GBF1: variants seen among roughly 807,000 people sequenced by gnomAD.
GBF1 encodes the protein Golgi-specific brefeldin A-resistance guanine nucleotide exchange factor 1.
A neutral mutation model predicts 210.5 loss-of-function variants in GBF1; 114 were observed. That is an observed-to-expected ratio of 0.54 (90% CI 0.47 to 0.63). GBF1 has a LOEUF of 0.63. Ranked by LOEUF, GBF1 falls within the 30% of genes least tolerant of loss-of-function variation. GBF1 has a pLI of 0.00. For missense variants in GBF1, 1,851 were observed against 2,357.7 expected, an observed-to-expected ratio of 0.79 and a Z score of 4.45; for synonymous variants, 850 against 889.2, an observed-to-expected ratio of 0.96 and a Z score of 0.78.
chr10:102,365,574 A>G lies in GBF1; in HGVS notation c.2284A>G (p.Ile762Val). ...AGAGTTTGTGAGTGACCGCAAAAACATTGACCTGTTGGAGAGCTTTGTGAG... is the reference window on the plus strand; with the variant it reads ...AGAGTTTGTGAGTGACCGCAAAAACGTTGACCTGTTGGAGAGCTTTGTGAG... ...IGEFVSDRKN[I>V]DLLESFVSTF... Residue 762 changes from isoleucine (I) to valine (V), a missense_variant, in exon 18 of 40, where the codon ATT becomes GTT. Ile to Val is a conservative substitution (Grantham distance 29, BLOSUM62 3). Around this residue, in one of 3 missense-constraint regions of GBF1, gnomAD observed 804 missense variants for 958.6 expected, o/e 0.84. Coordinates refer to ENST00000369983, the MANE Select transcript of GBF1 (RefSeq NM_001377137.1). The G allele has an allele frequency of 6.2e-7, 1 of 1,614,144 alleles. No individual in the cohort carries two copies. The highest frequency in any genetic ancestry group is 8.5e-7 in the Non-Finnish European group (1 of 1,179,982).
rs879575033 is a variant in GBF1, at chr10:102,260,473, C to CTTTTTTTTTT, written c.163+359_163+360insTTTTTTTTTT. Among the ~76,000 whole-genome samples the CTTTTTTTTTT allele has an allele frequency of 7.6e-3, 568 of 74,582 alleles. 79 individuals carry two copies. Among genetic ancestry groups the CTTTTTTTTTT allele is most frequent in the African/African-American group, 0.016 (234 of 14,320 alleles). The allele number at this position is 74,582 out of a possible 152,430, so 48.9% of individuals were successfully genotyped here. On this transcript the variant is annotated intron_variant, in intron 3 of 39. Coordinates refer to ENST00000369983, the MANE Select transcript of GBF1 (RefSeq NM_001377137.1). ...CTGTGCCTGGCCTATATTTTCCTTT[C>CTTTTTTTTTT]TTCTTTTTTTTTTTTTTTTTTTTTT...
Position 102,361,254 on chromosome 10 carries a change from A to G in GBF1, c.1491+134A>G, listed in dbSNP as rs953904708. The stretch of plus-strand genomic sequence containing the variant: ...CTATAGGAGAGTCCTTTTAGCCTCC[A>G]GAGTTCGGTTCAATCAACTGGCCTC... On this transcript the variant is annotated intron_variant, in intron 13 of 39. Transcript: ENST00000369983. 9.3e-6 allele frequency: 6 copies of G among 648,468 alleles called. No homozygotes were observed. In the African/African-American group the frequency reaches 1.1e-4, roughly 12 times the overall value. The allele number at this position is 648,468 out of a possible 1,614,324, so 40.2% of individuals were successfully genotyped here. A position where few individuals can be genotyped will look rare whatever the true frequency, so the allele number is the denominator to read the frequency against.
chr10:102,270,907 G>A (rs1276756645), intron 3 of GBF1, among the ~76,000 whole-genome samples: 1 of 152,056 alleles, frequency 6.6e-6, no homozygotes, highest in Non-Finnish European at 1.5e-5. Context: ...GTCACTTAGG[G>A]TGGAGTGCAG....
intron 3 of GBF1, among the ~76,000 whole-genome samples, chr10:102,314,012 C>T (rs1328631846): frequency 6.6e-6 from 1 of 151,544 alleles, no homozygotes; most frequent in East Asian, 1.9e-4. Flanking sequence ...ATGTCAGGAA[C>T]AGGGATTATA....
intron 3 of GBF1, among the ~76,000 whole-genome samples, chr10:102,270,573 G>A (rs1343214676): frequency 2.0e-5 from 3 of 152,044 alleles, no homozygotes; most frequent in East Asian, 1.9e-4. Context: ...TGCTTTATCC[G>A]TATATGTGTA....
At chr10:102,277,861 A>G (rs2075133388) in intron 3 of GBF1, among the ~76,000 whole-genome samples, 1 of 152,094 alleles carries the variant, frequency 6.6e-6, no homozygotes, top group South Asian at 2.1e-4. Context: ...CCTTCAGCCA[A>G]GGATCACAAA....
At chr10:102,319,213 G>T (rs565676149) in intron 3 of GBF1, among the ~76,000 whole-genome samples, 1 of 152,240 alleles carries the variant, frequency 6.6e-6, no homozygotes, top group East Asian at 1.9e-4. Flanking sequence ...CCAGCTACTC[G>T]AGAGGCTAAG....
intron 3 of GBF1, among the ~76,000 whole-genome samples, chr10:102,312,565 C>T (rs1308193888): frequency 6.6e-6 from 1 of 152,146 alleles, no homozygotes; most frequent in African/African-American, 2.4e-5. Context: ...CAATTCCATC[C>T]GTTGTAAGGG....
intron 3 of GBF1, among the ~76,000 whole-genome samples, chr10:102,330,513 G>A (rs962486088): frequency 3.9e-5 from 6 of 152,016 alleles, no homozygotes; most frequent in African/African-American, 9.6e-5. Flanking sequence ...GCGAAACCCC[G>A]TCTCTACTAA....
At chr10:102,253,818 A>G (rs1445817175) in intron 1 of GBF1, among the ~76,000 whole-genome samples, 1 of 152,220 alleles carries the variant, frequency 6.6e-6, no homozygotes, top group East Asian at 1.9e-4. Context: ...TTTAAGTATT[A>G]TCAGATTTAA....
chr10:102,302,656 A>C (rs2077485143), intron 3 of GBF1, among the ~76,000 whole-genome samples: 1 of 152,184 alleles, frequency 6.6e-6, no homozygotes, highest in African/African-American at 2.4e-5. Flanking sequence ...AGTCATTGTC[A>C]ATTTTTACAA....
In GBF1 at chr10:102,350,738, A is replaced by C. The variant is rs140443250; in HGVS notation, c.296-518A>C. ...CAAAACTTTGTGGTATGGGTCCAGCAATTGAGAACCACAGTTTTACCCAGT... is the reference window on the plus strand; with the variant it reads ...CAAAACTTTGTGGTATGGGTCCAGCCATTGAGAACCACAGTTTTACCCAGT... On this transcript the variant is annotated intron_variant, in intron 4 of 39. Transcript: ENST00000369983. 4.8e-3 allele frequency among the ~76,000 whole-genome samples: 734 copies of C among 152,226 alleles called. 5 individuals are homozygous for C. The highest frequency in any genetic ancestry group is 0.016 in the African/African-American group (679 of 41,518).
At chr10:102,260,206 G>T in intron 3 of GBF1, 90 bp downstream of exon 3, 1 of 710,392 alleles carries the variant, frequency 1.4e-6, no homozygotes, top group Non-Finnish European at 2.5e-6. Context: ...TTGTATAAAG[G>T]ACTTTATAGT....
chr10:102,367,328 G>T, intron 20 of GBF1, 118 bp downstream of exon 20: 1 of 1,267,676 alleles, frequency 7.9e-7, no homozygotes, highest in South Asian at 1.3e-5. Context: ...GAATCAGGAA[G>T]GGCTGGCCAA....
chr10:102,307,683 G>A (rs979021723), intron 3 of GBF1, among the ~76,000 whole-genome samples: 12 of 151,992 alleles, frequency 7.9e-5, no homozygotes, highest in East Asian at 3.8e-4. Context: ...CCCAGCTGCC[G>A]GGGAGGCTGA....
chr10:102,348,227 G>A (rs933460249), intron 4 of GBF1, among the ~76,000 whole-genome samples: 4 of 152,266 alleles, frequency 2.6e-5, no homozygotes, highest in Admixed American at 6.5e-5. Flanking sequence ...ATGAGCCACC[G>A]TGCCCAGCCC....
At chr10:102,246,998 T>C (rs747369756) in intron 1 of GBF1, among the ~76,000 whole-genome samples, 1 of 152,160 alleles carries the variant, frequency 6.6e-6, no homozygotes, top group Non-Finnish European at 1.5e-5. Context: ...CCTAATACCT[T>C]TTGGTATGTA....
At chr10:102,299,107 C>CTGTA (rs1279344580) in intron 3 of GBF1, among the ~76,000 whole-genome samples, 2 of 152,154 alleles carry the variant, frequency 1.3e-5, no homozygotes, top group Admixed American at 1.3e-4. Context: ...CATAACCTTG[C>CTGTA]TGTACTTTAA....
intron 2 of GBF1, among the ~76,000 whole-genome samples, chr10:102,259,334 T>G (rs182605075): frequency 2.2e-4 from 33 of 152,326 alleles, no homozygotes; most frequent in Non-Finnish European, 4.3e-4. Flanking sequence ...CTTTATTTTC[T>G]AATTCTTTAG....
Sources: allele counts gnomAD v4.1 joint callset (sites outside exome capture counted in the v4.1 genomes callset), GRCh38; gene constraint gnomAD v4.1.1; regional missense constraint gnomAD v4.1.1; transcripts MANE v1.5; gene names NCBI Gene and HGNC (gene_info 2026-07-23, HGNC 2026-07-21).